Variants in SGCD observed in about 807,000 individuals in gnomAD.
SGCD encodes the protein delta-sarcoglycan.
A neutral mutation model predicts 36.6 loss-of-function variants in SGCD; 18 were observed. The observed-to-expected ratio is 0.49, with a 90% confidence interval of 0.34 to 0.73. The LOEUF is 0.73. Ranked by LOEUF, SGCD falls within the 30% of genes least tolerant of loss-of-function variation. The pLI is 0.01. For synonymous variants in SGCD, 133 were observed against 130.6 expected (o/e 1.02, Z -0.12); for missense variants, 387 against 346.7 (o/e 1.12, Z -0.92).
chr5:156,076,931 A>G (rs901752876), intron 1 of SGCD, among the ~76,000 whole-genome samples: 6 of 152,220 alleles, frequency 3.9e-5, no homozygotes, highest in Admixed American at 6.5e-5. Flanking sequence ...GTTGTTCACC[A>G]TGGCCTTAAG....
At chr5:156,446,715 T>A (rs1338666150) in intron 3 of SGCD, among the ~76,000 whole-genome samples, 1 of 152,062 alleles carries the variant, frequency 6.6e-6, no homozygotes, top group Non-Finnish European at 1.5e-5. Flanking sequence ...TAGGAATAAT[T>A]GTTATGCAAA....
At chr5:155,934,625 A>G (rs955377140) in intron 1 of SGCD, among the ~76,000 whole-genome samples, 1 of 152,162 alleles carries the variant, frequency 6.6e-6, no homozygotes, top group Non-Finnish European at 1.5e-5. Flanking sequence ...TGTGGTTAAT[A>G]TTTATTAACC....
intron 2 of SGCD, among the ~76,000 whole-genome samples, chr5:156,122,338 A>C (rs932235712): frequency 2.6e-5 from 4 of 152,190 alleles, no homozygotes; most frequent in African/African-American, 9.6e-5. Context: ...TTGGGGGATG[A>C]CAGATAATAA....
At position 156,747,465 on chromosome 5, in the gene SGCD, AG is replaced by A. The variant is rs1001610116; in HGVS notation, c.576-10113del. On this transcript the variant is annotated intron_variant, in intron 7 of 8. Transcript: ENST00000337851. ...ATCTTACCAAACGCTGGACTAGGGG[AG>A]GGTCCATTTCCAAAAACACTCTAGT... Among the ~76,000 whole-genome samples the A allele has an allele frequency of 5.3e-5, 8 of 152,238 alleles. No individual in the cohort carries two copies. The South Asian group carries it at 1.7e-3, about 32-fold the overall frequency.
chr5:156,492,886 C>T (rs1326574705), intron 3 of SGCD, among the ~76,000 whole-genome samples: 1 of 152,136 alleles, frequency 6.6e-6, no homozygotes, highest in Non-Finnish European at 1.5e-5. Context: ...CTGGAAAGGA[C>T]ATGAACTCAT....
chr5:156,197,953 G>T (rs958936181), intron 3 of SGCD, among the ~76,000 whole-genome samples: 5 of 152,100 alleles, frequency 3.3e-5, no homozygotes, highest in Admixed American at 2.0e-4. Context: ...GAGGGAGGAA[G>T]CCGGGGTTAT....
chr5:156,435,901 C>T (rs755137327), intron 3 of SGCD, among the ~76,000 whole-genome samples: 8 of 152,152 alleles, frequency 5.3e-5, no homozygotes, highest in Non-Finnish European at 2.9e-5. Flanking sequence ...TACCTTCTGT[C>T]CAAGATGCTG....
intron 1 of SGCD, among the ~76,000 whole-genome samples, chr5:156,115,400 A>G (rs73813237): frequency 0.011 from 1,613 of 152,152 alleles, 26 homozygotes; most frequent in African/African-American, 0.037. Flanking sequence ...CTATCTACCC[A>G]TAAGCAAACC....
At chr5:156,104,056 T>C (rs1356289814) in intron 1 of SGCD, among the ~76,000 whole-genome samples, 2 of 152,238 alleles carry the variant, frequency 1.3e-5, no homozygotes, top group Admixed American at 1.3e-4. Flanking sequence ...GGAAACATTA[T>C]TATTTTAGAA....
chr5:156,398,048 G>A (rs189082856), intron 3 of SGCD, among the ~76,000 whole-genome samples: 3 of 152,236 alleles, frequency 2.0e-5, no homozygotes, highest in Admixed American at 6.5e-5. Flanking sequence ...TGTCCCTATG[G>A]GCTGGATACA....
chr5:156,294,666 G>T lies in SGCD; in HGVS notation c.-43-34868G>T, dbSNP rs141767424. On this transcript the variant is annotated intron_variant, in intron 3 of 9. Coordinates refer to the SGCD transcript ENST00000517913. ...TTGAGATAGTTTCCTTCTATTTTTA[G>T]CTTGTTGAATGTTTCTGTCATGAAA... Among the ~76,000 whole-genome samples, 427 of 152,094 alleles carry T rather than the reference G, an allele frequency of 2.8e-3. 3 individuals carry two copies. The highest frequency in any genetic ancestry group is 9.8e-3 in the African/African-American group (407 of 41,516).
the SGCD span, among the ~76,000 whole-genome samples, chr5:155,849,276 A>G: frequency 6.6e-6 from 1 of 152,172 alleles, no homozygotes; most frequent in Non-Finnish European, 1.5e-5. Context: ...AACATAACCT[A>G]TAACTATTTA....
At chr5:156,513,830 G>A (rs1356396132) in intron 4 of SGCD, among the ~76,000 whole-genome samples, 1 of 152,164 alleles carries the variant, frequency 6.6e-6, no homozygotes, top group African/African-American at 2.4e-5. Context: ...AAAGCCCCAG[G>A]ACATTCTAGC....
chr5:156,618,605 A>AG (rs1455919940), intron 6 of SGCD, among the ~76,000 whole-genome samples: 2 of 151,518 alleles, frequency 1.3e-5, no homozygotes, highest in Admixed American at 6.6e-5. Context: ...AAAAAAAAAA[A>AG]AAAAAAAGAG....
rs1757518418 is a variant in SGCD, at chr5:156,762,612, A to C, written c.*3222A>C. ...TTTGACCCTAGAGCAGAGGTGGGCA[A>C]ACTATGACCTGGAAACCAAATCTGA... On this transcript the variant is annotated 3_prime_UTR_variant, in exon 9 of 9. Coordinates refer to ENST00000337851, the MANE Select transcript of SGCD (RefSeq NM_000337.6). The C allele has an allele frequency of 6.6e-6, 1 of 152,660 alleles. No homozygotes were observed. The highest frequency in any genetic ancestry group is 1.5e-5 in the Non-Finnish European group (1 of 68,056). 9.5% of individuals were successfully genotyped at this position (152,660 alleles called of 1,614,324 possible). A position where few individuals can be genotyped will look rare whatever the true frequency, so the allele number is the denominator to read the frequency against.
At chr5:156,744,049 C>T (rs1252858496) in intron 7 of SGCD, among the ~76,000 whole-genome samples, 1 of 152,236 alleles carries the variant, frequency 6.6e-6, no homozygotes, top group African/African-American at 2.4e-5. Context: ...CTGAGCCAGA[C>T]ACAGTGGTGC....
At chr5:156,234,466 G>A (rs1163149243) in intron 3 of SGCD, among the ~76,000 whole-genome samples, 1 of 152,082 alleles carries the variant, frequency 6.6e-6, no homozygotes, top group African/African-American at 2.4e-5. Flanking sequence ...ATGGCTCTAT[G>A]GAGGTTCATT....
chr5:156,116,134 A>G (rs1285485544), intron 1 of SGCD, among the ~76,000 whole-genome samples: 2 of 152,168 alleles, frequency 1.3e-5, no homozygotes, highest in African/African-American at 2.4e-5. Context: ...ATTATAGACC[A>G]CAAAGAAAGG....
At chr5:155,946,910 G>A (rs1757447783) in intron 1 of SGCD, among the ~76,000 whole-genome samples, 1 of 152,160 alleles carries the variant, frequency 6.6e-6, no homozygotes, top group Non-Finnish European at 1.5e-5. Flanking sequence ...AACATTTTAA[G>A]GGCAGTCCAG....
Sources: allele counts gnomAD v4.1 joint callset (sites outside exome capture counted in the v4.1 genomes callset), GRCh38; gene constraint gnomAD v4.1.1; transcripts MANE v1.5; gene names NCBI Gene and HGNC (gene_info 2026-07-23, HGNC 2026-07-21).